Variants in ADGRB2 observed in about 807,000 individuals in gnomAD.
The protein encoded by ADGRB2 is brain-specific angiogenesis inhibitor 2.
A neutral mutation model predicts 178.7 loss-of-function variants in ADGRB2; 47 were observed. The observed-to-expected ratio is 0.26, with a 90% CI of 0.21 to 0.34. The LOEUF (loss-of-function observed/expected upper bound fraction) is 0.34, where lower values mean the gene tolerates loss of function less well. ADGRB2 is among the 10% of genes least tolerant of loss of function. The probability of loss-of-function intolerance (pLI) is 1.00; values close to 1 mark genes in which losing one functional copy is unlikely to be tolerated. For missense variants in ADGRB2, 1,584 were observed against 2,180.8 expected, an observed-to-expected ratio of 0.73 and a Z score of 5.45; for synonymous variants, 870 against 912.4, an observed-to-expected ratio of 0.95 and a Z score of 0.84.
At chr1:31,763,483 T>A (rs1275666013) in intron 1 of ADGRB2, among the ~76,000 whole-genome samples, 3 of 109,544 alleles carry the variant, frequency 2.7e-5, no homozygotes, top group South Asian at 3.4e-4. Context: ...GAGACACAGT[T>A]GAGCTGCAGG....
At position 31,760,405 on chromosome 1, in the gene ADGRB2, T is replaced by C. The variant is rs886909208; in HGVS notation, c.-190-2894A>G. Among the ~76,000 whole-genome samples the C allele has an allele frequency of 4.6e-5, 7 of 152,212 alleles. 1 individual carries two copies. The highest frequency in any genetic ancestry group is 1.4e-4 in the African/African-American group (6 of 41,526). ...TCTGCCCAAACACACTCAAGTCCCC[T>C]TTCTTTCCACCCCTCAGGGCTCCCC... On this transcript the variant is annotated intron_variant, in intron 1 of 32. Transcript: ENST00000373658.
Position 31,763,966 on chromosome 1 carries a change from G to T in ADGRB2, c.-273C>A. On this transcript the variant is annotated 5_prime_UTR_variant, in exon 1 of 33. Transcript: ENST00000373658. ...GCAAGTTTGCCATCCCTAAGTCGGG[G>T]ACCGGGCCGGGCGCAGGGTAGGTAG... 1.0e-6 allele frequency: 1 copy of T among 984,576 alleles called. No homozygotes were observed. The highest frequency in any genetic ancestry group is 1.7e-5 in the African/African-American group (1 of 57,184). 61.0% of individuals were successfully genotyped at this position (984,576 alleles called of 1,614,324 possible).
Position 31,759,184 on chromosome 1 carries a change from G to C in ADGRB2, c.-190-1673C>G. 1.4e-6 allele frequency: 1 copy of C among 723,502 alleles called. No individual in the cohort carries two copies. The highest frequency in any genetic ancestry group is 1.8e-5 in the Admixed American group (1 of 54,886). 44.8% of individuals were successfully genotyped at this position (723,502 alleles called of 1,614,324 possible). On this transcript the variant is annotated intron_variant, in intron 1 of 32. Coordinates refer to ENST00000373658, the MANE Select transcript of ADGRB2 (RefSeq NM_001364857.2). The surrounding 1 kb of genome is among the most constrained non-coding windows in gnomAD (Gnocchi z 4.3). ...CATATGAATGGATACATATGTACACGGACATGCACACAGGTGAAACCCACA... is the reference window on the plus strand; with the variant it reads ...CATATGAATGGATACATATGTACACCGACATGCACACAGGTGAAACCCACA...
At position 31,759,459 on chromosome 1, in the gene ADGRB2, G is replaced by A; in HGVS notation, c.-190-1948C>T. The A allele has an allele frequency of 1.3e-6, 1 of 745,754 alleles. No individual in the cohort carries two copies. The allele number at this position is 745,754 out of a possible 1,614,324, so 46.2% of individuals were successfully genotyped here. On this transcript the variant is annotated intron_variant, in intron 1 of 32. Transcript: ENST00000373658. This position sits in a 1 kb window ranked among gnomAD's most constrained non-coding sequence, Gnocchi z 4.3. ...CTAGGCTGCTGCTCCCTACTCCACA[G>A]CCCCGCCCCATCAAGAAGCACAAGG...
Position 31,731,376 on chromosome 1 carries a change from C to T in ADGRB2, c.3804G>A (p.Thr1268=), listed in dbSNP as rs372331783. 2.0e-5 allele frequency: 32 copies of T among 1,610,940 alleles called. No individual in the cohort carries two copies. The highest frequency in any genetic ancestry group is 1.3e-4 in the African/African-American group (10 of 74,862). Residue 1268 remains threonine, a synonymous_variant, in exon 29 of 33, where the codon ACG becomes ACA. Transcript: ENST00000373658. ...EVNTCNPSTI[T]GTLSRLSLDE... ...CCAGGGACAGGCGGGATAGTGTGCC[C>T]GTGATGGTGGACGGGTTGCAAGTGT...
chr1:31,732,235 C>T (rs965574398), intron 27 of ADGRB2, 81 bp from the exon 28 acceptor site: 100 of 1,574,094 alleles, frequency 6.4e-5, no homozygotes, highest in Non-Finnish European at 8.1e-5. Context: ...CCCTCCCCAG[C>T]CAGCTTTGCC....
intron 26 of ADGRB2, 109 bp from the exon 27 acceptor site, chr1:31,732,721 A>G: frequency 7.6e-7 from 1 of 1,314,916 alleles, no homozygotes; most frequent in Non-Finnish European, 1.1e-6. Flanking sequence ...GGAAGGCAAC[A>G]CATCCAACCT....
chr1:31,738,806 A>C, intron 16 of ADGRB2, 26 bp downstream of exon 16: 1 of 1,611,694 alleles, frequency 6.2e-7, no homozygotes, highest in Non-Finnish European at 8.5e-7. Context: ...GGTGCACCCA[A>C]GGTCTCTGCA....
chr1:31,741,367 A>T lies in ADGRB2; in HGVS notation c.1794+6T>A. On this transcript the variant is annotated splice_donor_region_variant and intron_variant, in intron 11 of 32. Coordinates refer to ENST00000373658, the MANE Select transcript of ADGRB2 (RefSeq NM_001364857.2). This position sits in a 1 kb window ranked among gnomAD's most constrained non-coding sequence, Gnocchi z 6.5. Reference sequence around the variant, plus strand: ...GCTGTGCCCCAGCCCAGCAGGGTGCACTCACTGACAGATACAGGTAGCGGT... The same window carrying T: ...GCTGTGCCCCAGCCCAGCAGGGTGCTCTCACTGACAGATACAGGTAGCGGT... The T allele has an allele frequency of 6.3e-7, 1 of 1,595,152 alleles. No homozygotes were observed. Among genetic ancestry groups the T allele is most frequent in the Non-Finnish European group, 8.5e-7 (1 of 1,170,768 alleles).
Position 31,744,101 on chromosome 1 carries a change from A to C in ADGRB2, c.1087+92T>G. The C allele has an allele frequency of 7.1e-7, 1 of 1,404,526 alleles. No homozygotes were observed. Among genetic ancestry groups the C allele is most frequent in the Non-Finnish European group, 9.5e-7 (1 of 1,057,508 alleles). The allele number at this position is 1,404,526 out of a possible 1,614,324, so 87.0% of individuals were successfully genotyped here. Reference sequence around the variant, plus strand: ...GCCACATTTGTTGAATGAAAGGAGGAGGCAACCAACCATTTTGGAGATTAA... The same window carrying C: ...GCCACATTTGTTGAATGAAAGGAGGCGGCAACCAACCATTTTGGAGATTAA... On this transcript the variant is annotated intron_variant, in intron 6 of 32. Transcript: ENST00000373658. This position sits in a 1 kb window ranked among gnomAD's most constrained non-coding sequence, Gnocchi z 6.7.
In ADGRB2 at chr1:31,728,052, A is replaced by T. The variant is rs750183359; in HGVS notation, c.4545T>A (p.Gly1515=). 3 of 1,592,934 alleles carry T rather than the reference A, an allele frequency of 1.9e-6. No individual in the cohort carries two copies. Among genetic ancestry groups the T allele is most frequent in the Non-Finnish European group, 2.6e-6 (3 of 1,172,466 alleles). ...TGCACACGCTCCGCTCGGCTGCCCC[A>T]CCCGAGGACACACTCCACCGCTTCT... ...KREKRWSVSS[G]GAAERSVCTD... Residue 1515 remains glycine, a synonymous_variant, in exon 32 of 33, where the codon GGT becomes GGA. Coordinates refer to ENST00000373658, the MANE Select transcript of ADGRB2 (RefSeq NM_001364857.2). This position sits in a 1 kb window ranked among gnomAD's most constrained non-coding sequence, Gnocchi z 6.7.
chr1:31,750,047 C>T (rs965490644), intron 4 of ADGRB2, among the ~76,000 whole-genome samples: 17 of 152,302 alleles, frequency 1.1e-4, no homozygotes, highest in African/African-American at 3.6e-4. Context: ...TGCTTTCCTC[C>T]CTCCACACAT....
chr1:31,728,511 G>C lies in ADGRB2; in HGVS notation c.4416+87C>G. 1 of 1,588,260 alleles carries C rather than the reference G, an allele frequency of 6.3e-7. No homozygotes were observed. The highest frequency in any genetic ancestry group is 8.6e-7 in the Non-Finnish European group (1 of 1,156,784). On this transcript the variant is annotated intron_variant, in intron 30 of 32. Transcript: ENST00000373658. The surrounding 1 kb of genome is among the most constrained non-coding windows in gnomAD (Gnocchi z 6.7). ...GCTCCTGGGGTCAGGCTCTGCAACA[G>C]AGCTTGGACTACTTTTAGGAGTGAG... is the stretch of plus-strand genomic sequence containing the variant.
intron 4 of ADGRB2, among the ~76,000 whole-genome samples, chr1:31,746,926 C>T (rs184295092): frequency 2.4e-4 from 37 of 152,362 alleles, no homozygotes; most frequent in African/African-American, 7.9e-4. Context: ...TTCCCTCCTC[C>T]GTCAGTGACT....
chr1:31,739,781 T>C, intron 14 of ADGRB2, 145 bp downstream of exon 14: 1 of 1,189,844 alleles, frequency 8.4e-7, no homozygotes, highest in Non-Finnish European at 1.2e-6. Context: ...GAGACAGACA[T>C]ACACAGAGAA....
Position 31,736,599 on chromosome 1 carries a change from C to T in ADGRB2, c.3104G>A (p.Arg1035His), listed in dbSNP as rs750649618. The change falls in exon 21 of 33, where the codon CGC (arginine) becomes CAC (histidine). Residue 1035 changes from arginine to histidine, a missense_variant. By Grantham distance (29) the Arg-to-His change is conservative. Transcript: ENST00000373658. ...CCAGCCCAGGCAGAGGAAGCGCTTG[C>T]GAACGAGGCGGGTGCGCATCCGCCC... is the stretch of plus-strand genomic sequence containing the variant. ...VIGRMRTRLV[R>H]KRFLCLGWGL... 9.3e-6 allele frequency: 15 copies of T among 1,613,942 alleles called. No homozygotes were observed. Among genetic ancestry groups the T allele is most frequent in the East Asian group, 4.5e-5 (2 of 44,884 alleles).
rs567429843 is a variant in ADGRB2 at position 31,761,925 on chromosome 1, G to A, written c.-191+1959C>T. Among the ~76,000 whole-genome samples, 15 of 152,262 alleles carry A rather than the reference G, an allele frequency of 9.9e-5. No individual in the cohort carries two copies. Among genetic ancestry groups the A allele is most frequent in the African/African-American group, 3.6e-4 (15 of 41,534 alleles). On this transcript the variant is annotated intron_variant, in intron 1 of 32. Coordinates refer to ENST00000373658, the MANE Select transcript of ADGRB2 (RefSeq NM_001364857.2). This position sits in a 1 kb window ranked among gnomAD's most constrained non-coding sequence, Gnocchi z 4.2. ...TCTCCCAACAGCTATATGAGGCAGT[G>A]ATCACTGACCCATTTTATAGAGGGT...
intron 4 of ADGRB2, among the ~76,000 whole-genome samples, chr1:31,745,367 G>A (rs941281458): frequency 6.6e-6 from 1 of 152,192 alleles, no homozygotes; most frequent in Non-Finnish European, 1.5e-5. Flanking sequence ...ACATCCAACA[G>A]ACCTTTCTCC....
Position 31,764,076 on chromosome 1 carries a change from G to C in ADGRB2, c.-383C>G. Reference sequence around the variant, plus strand: ...GCCGCGGAGCAGCGCGGGGCGGGCGGGCGGGCGGCGCCGGGCCGGGCGCGG... The same window carrying C: ...GCCGCGGAGCAGCGCGGGGCGGGCGCGCGGGCGGCGCCGGGCCGGGCGCGG... On this transcript the variant is annotated 5_prime_UTR_variant, in exon 1 of 33. Coordinates refer to ENST00000373658, the MANE Select transcript of ADGRB2 (RefSeq NM_001364857.2). The surrounding 1 kb of genome is among the most constrained non-coding windows in gnomAD (Gnocchi z 7.3). 2 of 959,270 alleles carry C rather than the reference G, an allele frequency of 2.1e-6. No individual in the cohort carries two copies. The highest frequency in any genetic ancestry group is 2.5e-6 in the Non-Finnish European group (2 of 810,858). 59.4% of individuals were successfully genotyped at this position (959,270 alleles called of 1,614,324 possible). A position where few individuals can be genotyped will look rare whatever the true frequency, so the allele number is the denominator to read the frequency against.
Sources: gnomAD v4.1 joint callset for allele counts (sites outside exome capture counted in the v4.1 genomes callset) on GRCh38, gnomAD v4.1.1 for gene constraint, Gnocchi (gnomAD v3.1) non-coding constraint, MANE v1.5 for transcripts, NCBI Gene and HGNC (gene_info 2026-07-23, HGNC 2026-07-21) for gene names.